CFAP69: variants seen among roughly 807,000 people sequenced by gnomAD.
CFAP69 encodes cilia and flagella associated protein 69.
CFAP69 carries 92 observed loss-of-function variants against 123.0 expected under a neutral mutation model. That is an observed-to-expected ratio of 0.75 (90% confidence interval 0.63 to 0.89). The LOEUF (loss-of-function observed/expected upper bound fraction) is 0.89, where lower values mean the gene tolerates loss of function less well. CFAP69 is among the 40% of genes least tolerant of loss of function. CFAP69 has a pLI of 0.00. For missense variants in CFAP69, 1,067 were observed against 1,096.9 expected, an observed-to-expected ratio of 0.97 and a Z score of 0.39; for synonymous variants, 380 against 364.3, an observed-to-expected ratio of 1.04 and a Z score of -0.49.
At chr7:90,264,191 A>C (rs969404304) in intron 4 of CFAP69, among the ~76,000 whole-genome samples, 2 of 146,248 alleles carry the variant, frequency 1.4e-5, no homozygotes, top group African/African-American at 5.0e-5. Context: ...TTGTACTTTA[A>C]ATAGTACAGG....
chr7:90,263,543 G>A (rs1798622168), intron 4 of CFAP69, among the ~76,000 whole-genome samples: 2 of 152,114 alleles, frequency 1.3e-5, no homozygotes, highest in Non-Finnish European at 2.9e-5. Flanking sequence ...GGAACAAAAA[G>A]TACTAGTTTT....
At chr7:90,300,644 CTTTTTTTTTTCT>C (rs1382203534) in intron 17 of CFAP69, 496 of 80,782 alleles carry the variant, frequency 6.1e-3, no homozygotes, top group Non-Finnish European at 0.01. Context: ...ACATTTTTTT[CTTTTTTTTTTCT>C]TTTTTTTTTG....
In CFAP69 at chr7:90,299,908, G is replaced by T; in HGVS notation, c.1899G>T (p.Met633Ile). 6.2e-7 allele frequency: 1 copy of T among 1,608,902 alleles called. No individual in the cohort carries two copies. The highest frequency in any genetic ancestry group is 1.1e-5 in the South Asian group (1 of 90,296). The change falls in exon 17 of 23, where the codon ATG becomes ATT. Residue 633 changes from methionine to isoleucine, a missense_variant. Transcript: ENST00000389297. ...TCTGTAATCTAATACTTGGAATAAT[G>T]GTTGAATTTTGTGATAATCCCAAAA... ...KKFCNLILGIMVEFCDNPKTA... is the reference protein window; with the variant it reads ...KKFCNLILGIIVEFCDNPKTA...
intron 17 of CFAP69, 33 bp from the exon 18 acceptor site, chr7:90,303,936 C>T: frequency 1.3e-6 from 2 of 1,522,336 alleles, no homozygotes; most frequent in East Asian, 2.5e-5. Flanking sequence ...TTTTATCTGT[C>T]CCTTTTCTAT....
chr7:90,264,332 C>T (rs1267816135), intron 4 of CFAP69, among the ~76,000 whole-genome samples: 2 of 151,622 alleles, frequency 1.3e-5, no homozygotes, highest in Non-Finnish European at 1.5e-5. Flanking sequence ...AAATAAGTTA[C>T]TTTAAAATAA....
intron 14 of CFAP69, among the ~76,000 whole-genome samples, chr7:90,288,005 G>A (rs188328753): frequency 1.3e-5 from 2 of 151,900 alleles, no homozygotes; most frequent in Admixed American, 1.3e-4. Flanking sequence ...TATTAAGCTG[G>A]CATGTTGATT....
intron 1 of CFAP69, among the ~76,000 whole-genome samples, chr7:90,248,155 A>C (rs1279515962): frequency 6.6e-6 from 1 of 152,142 alleles, no homozygotes; most frequent in East Asian, 1.9e-4. Context: ...CCCTTCAGAG[A>C]TGTTTCTAAG....
Position 90,268,148 on chromosome 7 carries a change from A to T in CFAP69, c.434-138A>T, listed in dbSNP as rs565508025. 1.1e-3 allele frequency: 625 copies of T among 583,290 alleles called. 6 individuals carry two copies. The South Asian group carries it at 0.013, about 12-fold the overall frequency. The allele number at this position is 583,290 out of a possible 1,614,324, so 36.1% of individuals were successfully genotyped here. A position where few individuals can be genotyped will look rare whatever the true frequency, so the allele number is the denominator to read the frequency against. On this transcript the variant is annotated intron_variant, in intron 5 of 22. Transcript: ENST00000389297. ...TGTGAGCATATGTATAAAAATATGCATATAAATTGAACATGATCCAGTTTG... is the reference window on the plus strand; with the variant it reads ...TGTGAGCATATGTATAAAAATATGCTTATAAATTGAACATGATCCAGTTTG...
intron 4 of CFAP69, among the ~76,000 whole-genome samples, chr7:90,262,323 G>T (rs1798444486): frequency 6.6e-6 from 1 of 152,156 alleles, no homozygotes; most frequent in South Asian, 2.1e-4. Context: ...AATATTAGAT[G>T]TAACCAAGGA....
chr7:90,251,089 G>A (rs1235979866), intron 1 of CFAP69, among the ~76,000 whole-genome samples: 1 of 152,012 alleles, frequency 6.6e-6, no homozygotes, highest in African/African-American at 2.4e-5. Flanking sequence ...CAGCATACAA[G>A]ATGATCTTTT....
chr7:90,261,220 C>T (rs1318526487), intron 3 of CFAP69, among the ~76,000 whole-genome samples: 1 of 152,106 alleles, frequency 6.6e-6, no homozygotes. Flanking sequence ...GCTGGGATTA[C>T]AGGCACCACC....
At chr7:90,249,476 T>A (rs1584284797) in intron 1 of CFAP69, among the ~76,000 whole-genome samples, 1 of 152,302 alleles carries the variant, frequency 6.6e-6, no homozygotes, top group Middle Eastern at 3.4e-3. Flanking sequence ...GTTCTCAGAT[T>A]GTTTTTCTAG....
At chr7:90,307,144 T>A in intron 20 of CFAP69, 46 bp downstream of exon 20, 1 of 1,410,854 alleles carries the variant, frequency 7.1e-7, no homozygotes, top group Non-Finnish European at 9.9e-7. Flanking sequence ...ATAGGTTGGT[T>A]AATGGGCACA....
At chr7:90,284,271 G>A (rs766128605) in intron 13 of CFAP69, among the ~76,000 whole-genome samples, 19 of 152,168 alleles carry the variant, frequency 1.2e-4, no homozygotes, top group Admixed American at 3.9e-4. Context: ...TAGTAGTAAC[G>A]TGCTCAATAA....
At chr7:90,311,707 G>T (rs968996077), downstream of CFAP69, among the ~76,000 whole-genome samples, 1 of 152,100 alleles carries the variant, frequency 6.6e-6, no homozygotes, top group African/African-American at 2.4e-5. Context: ...GGTAGGGGTT[G>T]CAGCTCTTGT....
rs753797164 is a variant in CFAP69, at chr7:90,310,029, G to A, written c.2656-39G>A. On this transcript the variant is annotated intron_variant, in intron 22 of 22. Coordinates refer to ENST00000389297, the MANE Select transcript of CFAP69 (RefSeq NM_001039706.3). ...GAGTTTTTCTCTTGTTGAAAATTGT[G>A]TAAATGGACTTTTAGATATTTACCT... 2.6e-6 allele frequency: 4 copies of A among 1,534,606 alleles called. No homozygotes were observed. In the South Asian group the frequency reaches 4.9e-5, roughly 19 times the overall value.
intron 22 of CFAP69, among the ~76,000 whole-genome samples, chr7:90,309,760 TC>T (rs367552733): frequency 1.5e-3 from 224 of 152,328 alleles, no homozygotes; most frequent in African/African-American, 4.7e-3. Flanking sequence ...CTTATAATTG[TC>T]CTTATATCTC....
At chr7:90,256,580 A>G (rs1797683846) in intron 2 of CFAP69, among the ~76,000 whole-genome samples, 1 of 152,224 alleles carries the variant, frequency 6.6e-6, no homozygotes, top group Non-Finnish European at 1.5e-5. Flanking sequence ...GCCTATCAAA[A>G]GAAAACAATG....
downstream of CFAP69, chr7:90,312,646 G>A (rs943610147): frequency 1.2e-4 from 18 of 152,160 alleles, 1 homozygote; most frequent in Non-Finnish European, 1.5e-5. Context: ...ACCACACAGT[G>A]AGTGAGTGAC....
Sources: gnomAD v4.1 joint callset for allele counts (sites outside exome capture counted in the v4.1 genomes callset) on GRCh38, gnomAD v4.1.1 for gene constraint, MANE v1.5 for transcripts, NCBI Gene and HGNC (gene_info 2026-07-23, HGNC 2026-07-21) for gene names.